MEF2C: variants seen among roughly 807,000 people sequenced by gnomAD.
The protein encoded by MEF2C is myocyte-specific enhancer factor 2C.
A neutral mutation model predicts 50.5 loss-of-function variants in MEF2C; 6 were observed. The observed-to-expected ratio is 0.12, with a 90% CI of 0.07 to 0.23. The LOEUF is 0.23. Among genes scored for constraint, MEF2C ranks in the 10% least tolerant of loss-of-function variants. The pLI is 1.00. For missense variants in MEF2C, 276 were observed against 605.0 expected, an observed-to-expected ratio of 0.46 and a Z score of 5.70; for synonymous variants, 183 against 228.0, an observed-to-expected ratio of 0.80 and a Z score of 1.78.
Position 88,873,152 on chromosome 5 carries a change from T to G in MEF2C, c.-143+9803A>C, listed in dbSNP as rs1427291315. On this transcript the variant is annotated intron_variant, in intron 1 of 10. Transcript: ENST00000504921. ...AATGTGGTTGACCTTGTCCAATAAC[T>G]GTACCACTTCCTGGGAGTTCATGAA... is the stretch of plus-strand genomic sequence containing the variant. Among the ~76,000 whole-genome samples, 4 of 152,148 alleles carry G rather than the reference T, an allele frequency of 2.6e-5. No individual in the cohort carries two copies. The East Asian group carries it at 7.7e-4, about 29-fold the overall frequency.
chr5:88,799,849 TTCTC>T (rs1235744521), intron 3 of MEF2C, among the ~76,000 whole-genome samples: 64 of 119,418 alleles, frequency 5.4e-4, no homozygotes, highest in Admixed American at 1.1e-3. Context: ...GTCCCTTTCC[TTCTC>T]TCTCTCTCTC....
chr5:88,784,842 C>T (rs1790042469), intron 3 of MEF2C, among the ~76,000 whole-genome samples: 1 of 152,206 alleles, frequency 6.6e-6, no homozygotes, highest in South Asian at 2.1e-4. Flanking sequence ...TTTTTCCATG[C>T]CTGCAGTAAA....
intron 6 of MEF2C, chr5:88,743,520 C>T (rs1767865298): frequency 2.0e-6 from 2 of 982,398 alleles, no homozygotes; most frequent in Non-Finnish European, 2.4e-6. Flanking sequence ...TTTTTCAATG[C>T]TAGATGAATT....
intron 4 of MEF2C, among the ~76,000 whole-genome samples, chr5:88,754,782 C>G (rs1271334613): frequency 6.6e-6 from 1 of 152,208 alleles, no homozygotes; most frequent in African/African-American, 2.4e-5. Context: ...CTCCTCTGCT[C>G]AAAACCCTGT....
intron 3 of MEF2C, chr5:88,771,662 G>C: frequency 2.1e-6 from 2 of 953,868 alleles, no homozygotes; most frequent in Non-Finnish European, 2.5e-6. Context: ...CTGGATAAAT[G>C]AATAAGCAAA....
chr5:88,856,841 G>A (rs561265691), intron 1 of MEF2C, among the ~76,000 whole-genome samples: 2 of 152,358 alleles, frequency 1.3e-5, no homozygotes, highest in South Asian at 4.1e-4. Flanking sequence ...TTCAGGGGTG[G>A]AACCCTCATG....
At chr5:88,870,673 T>C (rs918210758) in intron 1 of MEF2C, among the ~76,000 whole-genome samples, 8 of 152,238 alleles carry the variant, frequency 5.3e-5, no homozygotes, top group South Asian at 2.1e-4. Context: ...AGGAGTTCTT[T>C]GTAAATTAGA....
rs116035236 is a variant in MEF2C at position 88,746,326 on chromosome 5, T to C, written c.637+2744A>G. On this transcript the variant is annotated intron_variant, in intron 6 of 10. Coordinates refer to ENST00000504921, the MANE Select transcript of MEF2C (RefSeq NM_002397.5). Reference sequence around the variant, plus strand: ...TGGATGGGAAAGATGCTACACTTTATGATAAAACTGAGCTGAAAAAAAGCA... The same window carrying C: ...TGGATGGGAAAGATGCTACACTTTACGATAAAACTGAGCTGAAAAAAAGCA... 5.7e-3 allele frequency among the ~76,000 whole-genome samples: 863 copies of C among 152,306 alleles called. 10 individuals are homozygous for C. The highest frequency in any genetic ancestry group is 0.019 in the African/African-American group (800 of 41,576).
At chr5:88,849,309 G>A (rs1820452795) in intron 1 of MEF2C, among the ~76,000 whole-genome samples, 1 of 152,038 alleles carries the variant, frequency 6.6e-6, no homozygotes, top group African/African-American at 2.4e-5. Flanking sequence ...ATATCTAAGA[G>A]CCAGCACACA....
At chr5:88,736,645 T>G (rs1238540155) in intron 6 of MEF2C, 2 of 985,204 alleles carry the variant, frequency 2.0e-6, no homozygotes, top group African/African-American at 1.7e-5. Flanking sequence ...CAAACTTTTG[T>G]GCATTTGTGT....
chr5:88,738,993 A>T, intron 6 of MEF2C: 1 of 980,298 alleles, frequency 1.0e-6, no homozygotes, highest in Non-Finnish European at 1.2e-6. Flanking sequence ...TTTTAAAAGT[A>T]GATTTTGTAA....
At chr5:88,757,233 T>C (rs1775765104) in intron 4 of MEF2C, among the ~76,000 whole-genome samples, 1 of 152,196 alleles carries the variant, frequency 6.6e-6, no homozygotes, top group Non-Finnish European at 1.5e-5. Context: ...TTCCCAAACT[T>C]ACCACAAGGA....
In MEF2C at chr5:88,890,670, G is replaced by A. The variant is rs186361821; in HGVS notation, c.-239-3072C>T. 2.4e-3 allele frequency among the ~76,000 whole-genome samples: 364 copies of A among 152,216 alleles called. 2 individuals carry two copies. Among genetic ancestry groups the A allele is most frequent in the Middle Eastern group, 6.8e-3 (2 of 294 alleles). On this transcript the variant is annotated intron_variant, in intron 1 of 11. Transcript: ENST00000340208. ...AATGAATGCTGGTTAAAAAAAGAAAGAAAGAAAGAAATTACTTTATGACTG... is the reference window on the plus strand; with the variant it reads ...AATGAATGCTGGTTAAAAAAAGAAAAAAAGAAAGAAATTACTTTATGACTG...
upstream of MEF2C, chr5:88,883,597 C>G (rs1169598463): frequency 6.6e-6 from 1 of 152,170 alleles, no homozygotes; most frequent in Non-Finnish European, 1.5e-5. Flanking sequence ...AGCAGCACGT[C>G]CGATGAAATG....
At chr5:88,856,724 G>A (rs943658723) in intron 1 of MEF2C, among the ~76,000 whole-genome samples, 2 of 152,258 alleles carry the variant, frequency 1.3e-5, no homozygotes, top group African/African-American at 4.8e-5. Flanking sequence ...GCTTACACGT[G>A]GTGTTGGGCC....
At chr5:88,765,607 G>C (rs1779711153) in intron 3 of MEF2C, among the ~76,000 whole-genome samples, 1 of 152,166 alleles carries the variant, frequency 6.6e-6, no homozygotes, top group Non-Finnish European at 1.5e-5. Context: ...CCCTTTTCTA[G>C]CAAAATCAAA....
intron 6 of MEF2C, chr5:88,734,868 T>TTTTGAATA (rs1167273010): frequency 3.1e-6 from 3 of 977,634 alleles, no homozygotes; most frequent in Non-Finnish European, 3.6e-6. Flanking sequence ...ATGTAAAATA[T>TTTTGAATA]TTTGAACCAT....
chr5:88,864,333 A>C (rs974647143), intron 1 of MEF2C, among the ~76,000 whole-genome samples: 4 of 151,548 alleles, frequency 2.6e-5, no homozygotes, highest in African/African-American at 9.7e-5. Flanking sequence ...ATGTTATTTA[A>C]AAATAAAAAT....
Position 88,795,204 on chromosome 5 carries a change from G to C in MEF2C, c.258+9394C>G, listed in dbSNP as rs528158958. 1.3e-3 allele frequency among the ~76,000 whole-genome samples: 196 copies of C among 152,172 alleles called. 2 individuals carry two copies. The highest frequency in any genetic ancestry group is 4.3e-3 in the African/African-American group (180 of 41,510). On this transcript the variant is annotated intron_variant, in intron 3 of 10. Coordinates refer to ENST00000504921, the MANE Select transcript of MEF2C (RefSeq NM_002397.5). ...AGAAAGTCAATGGTAGCTTGATGGG[G>C]ATAGCACTGAATCTATAAATTACTT... is the stretch of plus-strand genomic sequence containing the variant.
Sources: allele counts gnomAD v4.1 joint callset (sites outside exome capture counted in the v4.1 genomes callset), GRCh38; gene constraint gnomAD v4.1.1; transcripts MANE v1.5; gene names NCBI Gene and HGNC (gene_info 2026-07-23, HGNC 2026-07-21).